SON: variants seen among roughly 807,000 people sequenced by gnomAD.
The protein encoded by SON is SON DNA and RNA binding protein, also known as protein SON.
Under a neutral mutation model 173.3 loss-of-function variants are expected in SON, and 4 were observed. The observed-to-expected ratio is 0.02, with a 90% confidence interval of 0.01 to 0.05. SON has a LOEUF of 0.05. Among genes scored for constraint, SON ranks in the 10% least tolerant of loss-of-function variants. The pLI is 1.00. For missense variants in SON, 2,626 were observed against 3,055.3 expected (o/e 0.86, Z 3.31); for synonymous variants, 1,190 against 1,105.9 (o/e 1.08, Z -1.51).
Position 33,550,316 on chromosome 21 carries a change from C to G in SON, c.1085C>G (p.Pro362Arg), listed in dbSNP as rs756474261. Residue 362 changes from proline to arginine, a missense_variant, in exon 3 of 12, where the codon CCG becomes CGG. By Grantham distance (103) the Pro-to-Arg change is moderately radical (BLOSUM62 -2). This residue lies in a region of SON where 757 missense variants were observed against 730.1 expected (regional missense o/e 1.04). Transcript: ENST00000356577. ...DSSMTRPQEL[P>R]ELPKTTALEL... ...TCCATGACAAGACCGCAGGAGTTGC[C>G]GGAGCTGCCTAAGACCACAGCGTTG... The G allele has an allele frequency of 5.0e-6, 8 of 1,613,946 alleles. No homozygotes were observed. Among genetic ancestry groups the G allele is most frequent in the African/African-American group, 2.7e-5 (2 of 74,884 alleles).
chr21:33,544,016 G>A (rs748480077), intron 1 of SON, among the ~76,000 whole-genome samples: 8 of 152,222 alleles, frequency 5.3e-5, no homozygotes, highest in South Asian at 2.1e-4. Context: ...ATGTTCAGCG[G>A]TTGTCTCTCG....
At chr21:33,572,829 G>A (rs2086315977) in intron 8 of SON, among the ~76,000 whole-genome samples, 1 of 149,312 alleles carries the variant, frequency 6.7e-6, no homozygotes. Flanking sequence ...TTGCTTTATA[G>A]TAGAATGGGG....
chr21:33,569,850 G>A lies in SON; in HGVS notation c.6885+763G>A, dbSNP rs192089775. The A allele has an allele frequency of 2.0e-3, 388 of 197,298 alleles. 2 individuals carry two copies. The highest frequency in any genetic ancestry group is 8.7e-3 in the African/African-American group (364 of 41,830). 12.2% of individuals were successfully genotyped at this position (197,298 alleles called of 1,614,324 possible). A position where few individuals can be genotyped will look rare whatever the true frequency, so the allele number is the denominator to read the frequency against. ...CTCTGGTGATCCACAGGCTCAATTT[G>A]AGAACCACTAATTTCATGACAAAAC... On this transcript the variant is annotated intron_variant, in intron 8 of 11. Transcript: ENST00000356577.
intron 6 of SON, among the ~76,000 whole-genome samples, chr21:33,561,885 A>C (rs1333349345): frequency 6.6e-6 from 1 of 152,208 alleles, no homozygotes; most frequent in African/African-American, 2.4e-5. Context: ...TTATTTTACA[A>C]TTCTTTTCAA....
At position 33,553,419 on chromosome 21, in the gene SON, T is replaced by A. The variant is rs1356181919; in HGVS notation, c.4188T>A (p.Val1396=). The A allele has an allele frequency of 6.2e-7, 1 of 1,613,906 alleles. No individual in the cohort carries two copies. The highest frequency in any genetic ancestry group is 1.1e-5 in the South Asian group (1 of 91,048). Residue 1396 remains valine (V), a synonymous_variant, in exon 3 of 12, where the codon GTT becomes GTA. Coordinates refer to ENST00000356577, the MANE Select transcript of SON (RefSeq NM_138927.4). The part of the protein sequence containing the change: ...PSVVTVPEPP[V]VAEPDYVTIP... ...TTGTGACTGTCCCGGAGCCTCCTGT[T>A]GTGGCTGAGCCAGACTATGTTACCA... is the stretch of plus-strand genomic sequence containing the variant.
rs776800847 is a variant in SON at position 33,551,808 on chromosome 21, C to T, written c.2577C>T (p.Ser859=). The T allele has an allele frequency of 3.7e-6, 6 of 1,613,520 alleles. No individual in the cohort carries two copies. The highest frequency in any genetic ancestry group is 1.3e-5 in the African/African-American group (1 of 74,862). ...TGGACTCCCAGATGTTAGCAACTAGCTCAATGGATTCCCAGATGTTAGCAT... is the reference window on the plus strand; with the variant it reads ...TGGACTCCCAGATGTTAGCAACTAGTTCAATGGATTCCCAGATGTTAGCAT... ...STMDSQMLAT[S]SMDSQMLASG... The change falls in exon 3 of 12, where the codon AGC becomes AGT. Residue 859 remains serine, a synonymous_variant. Transcript: ENST00000356577.
At chr21:33,566,453 G>GAAT (rs2086173678) in intron 6 of SON, among the ~76,000 whole-genome samples, 1 of 152,084 alleles carries the variant, frequency 6.6e-6, no homozygotes, top group Non-Finnish European at 1.5e-5. Context: ...TTAAAAGGTA[G>GAAT]AATATGAGCT....
Position 33,566,998 on chromosome 21 carries a change from T to G in SON, c.6658-159T>G, listed in dbSNP as rs559149506. ...CTTAATCCTCTTCTGTTTTCCAAGA[T>G]TACTTTCTCTTTCTGAGTCTTCTCC... On this transcript the variant is annotated intron_variant, in intron 6 of 11. Coordinates refer to ENST00000356577, the MANE Select transcript of SON (RefSeq NM_138927.4). Among the ~76,000 whole-genome samples, 76 of 152,304 alleles carry G rather than the reference T, an allele frequency of 5.0e-4. 1 individual carries two copies. The South Asian group carries it at 0.016, about 32-fold the overall frequency.
intron 7 of SON, 197 bp downstream of exon 7, chr21:33,567,464 A>G (rs2086197118): frequency 1.8e-6 from 1 of 565,672 alleles, no homozygotes; most frequent in Non-Finnish European, 3.2e-6. Flanking sequence ...TTTATTGTTT[A>G]CTATGTGGCA....
At position 33,559,687 on chromosome 21, in the gene SON, G is replaced by C; in HGVS notation, c.6569G>C (p.Ser2190Thr). The C allele has an allele frequency of 6.2e-7, 1 of 1,614,156 alleles. No individual in the cohort carries two copies. The highest frequency in any genetic ancestry group is 8.5e-7 in the Non-Finnish European group (1 of 1,179,994). Residue 2190 changes from serine (S) to threonine (T), a missense_variant, in exon 6 of 12, where the codon AGT (serine) becomes ACT (threonine). This residue lies in a region of SON where 75 missense variants were observed against 201.6 expected (regional missense o/e 0.37). Transcript: ENST00000356577. This position sits in a 1 kb window ranked among gnomAD's most constrained non-coding sequence, Gnocchi z 4.1. Reference protein sequence around the residue: ...GSQHRKKEADSVYGEWVPVEK... With the variant: ...GSQHRKKEADTVYGEWVPVEK... ...CAACATCGGAAAAAAGAAGCGGATA[G>C]TGTTTATGGAGAATGGGTTCCTGTG...
At chr21:33,560,340 C>A in intron 6 of SON, 1 of 1,307,380 alleles carries the variant, frequency 7.6e-7, no homozygotes, top group Non-Finnish European at 9.7e-7. Flanking sequence ...CTACCTTGGC[C>A]CTTTTAAATT....
intron 8 of SON, among the ~76,000 whole-genome samples, chr21:33,570,903 T>C (rs1469898701): frequency 6.6e-6 from 1 of 152,206 alleles, no homozygotes; most frequent in Non-Finnish European, 1.5e-5. Context: ...TATAAATGTG[T>C]TAATAACTTA....
rs1380089643 is a variant in SON, at chr21:33,555,273, A to G, written c.6042A>G (p.Pro2014=). The G allele has an allele frequency of 3.7e-6, 6 of 1,612,816 alleles. No individual in the cohort carries two copies. The highest frequency in any genetic ancestry group is 5.1e-6 in the Non-Finnish European group (6 of 1,179,534). The part of the protein sequence containing the change: ...VVRRRSFSIS[P]VRLRRSRTPL... ...GAAGACGAAGCTTCAGTATCTCACC[A>G]GTCAGATTAAGGCGATCAAGAACAC... Residue 2014 remains proline, a synonymous_variant, in exon 3 of 12, where the codon CCA becomes CCG. Coordinates refer to ENST00000356577, the MANE Select transcript of SON (RefSeq NM_138927.4).
intron 9 of SON, 60 bp from the exon 10 acceptor site, chr21:33,575,536 G>A (rs1692572466): frequency 2.3e-6 from 3 of 1,280,824 alleles, no homozygotes; most frequent in African/African-American, 1.5e-5. Context: ...CTCCTACAGA[G>A]GGATCTTTGT....
rs774121492 is a variant in SON at position 33,554,815 on chromosome 21, C to T, written c.5584C>T (p.Arg1862Cys). 2.9e-5 allele frequency: 47 copies of T among 1,613,802 alleles called. No individual in the cohort carries two copies. Among genetic ancestry groups the T allele is most frequent in the Non-Finnish European group, 3.8e-5 (45 of 1,180,036 alleles). ...SKSKSHRSQT[R>C]SRSRSRRRRR... ...GTCCAAGTCTCATCGCTCTCAGACA[C>T]GTTCACGGTCACGTTCAAGACGCAG... Residue 1862 changes from arginine to cysteine, a missense_variant, in exon 3 of 12, where the codon CGT becomes TGT. Coordinates refer to ENST00000356577, the MANE Select transcript of SON (RefSeq NM_138927.4).
chr21:33,567,568 C>G, intron 7 of SON: 1 of 318,706 alleles, frequency 3.1e-6, no homozygotes, highest in South Asian at 3.9e-5. Flanking sequence ...GCCTACAACC[C>G]TATGAAATGT....
At chr21:33,572,179 A>ATT (rs1291276408) in intron 8 of SON, 1 of 82,462 alleles carries the variant, frequency 1.2e-5, no homozygotes, top group Non-Finnish European at 2.5e-5. Context: ...TATATTATAT[A>ATT]TTTATATATA....
At chr21:33,572,681 G>T in intron 8 of SON, 1 of 939,902 alleles carries the variant, frequency 1.1e-6, no homozygotes, top group Non-Finnish European at 1.5e-6. Flanking sequence ...ATCAAGCTAG[G>T]TTTTAAAAGA....
At chr21:33,556,894 A>G (rs972755370) in intron 3 of SON, among the ~76,000 whole-genome samples, 5 of 151,812 alleles carry the variant, frequency 3.3e-5, no homozygotes, top group African/African-American at 1.2e-4. Context: ...TAATATTCTA[A>G]TGGGAAGCTC....
Sources: allele counts gnomAD v4.1 joint callset (sites outside exome capture counted in the v4.1 genomes callset), GRCh38; gene constraint gnomAD v4.1.1; regional missense constraint gnomAD v4.1.1; non-coding constraint Gnocchi (gnomAD v3.1); transcripts MANE v1.5; gene names NCBI Gene and HGNC (gene_info 2026-07-23, HGNC 2026-07-21).